Variants in SGCG observed in about 807,000 individuals in gnomAD.
SGCG encodes gamma-sarcoglycan.
In SGCG, 26 loss-of-function variants were observed where a neutral mutation model predicts 29.3. The observed-to-expected ratio is 0.89, with a 90% CI of 0.65 to 1.23. The LOEUF is 1.23. SGCG is among the 50% of genes most tolerant of loss of function. SGCG has a pLI of 0.00. For synonymous variants in SGCG, 145 were observed against 129.7 expected (o/e 1.12, Z -0.80); for missense variants, 353 against 356.0 (o/e 0.99, Z 0.07).
At chr13:23,184,667 G>T (rs770268391) in intron 1 of SGCG, among the ~76,000 whole-genome samples, 1 of 152,158 alleles carries the variant, frequency 6.6e-6, no homozygotes, top group African/African-American at 2.4e-5. Flanking sequence ...CAGTAAGGGG[G>T]TCTTTTTAAT....
At chr13:23,215,162 G>C (rs1403928864) in intron 2 of SGCG, among the ~76,000 whole-genome samples, 1 of 152,116 alleles carries the variant, frequency 6.6e-6, no homozygotes, top group Non-Finnish European at 1.5e-5. Context: ...GCTGCAAGGA[G>C]GGACGTTCAT....
chr13:23,250,595 C>A (rs763950510), intron 3 of SGCG, 35 bp from the exon 4 acceptor site: 1 of 1,017,052 alleles, frequency 9.8e-7, no homozygotes, highest in Non-Finnish European at 1.6e-6. Flanking sequence ...TTTTAAACAG[C>A]ACCTATTTTG....
intron 4 of SGCG, among the ~76,000 whole-genome samples, chr13:23,276,469 G>C (rs1163729681): frequency 9.0e-6 from 1 of 110,946 alleles, no homozygotes; most frequent in African/African-American, 3.4e-5. Context: ...GTCTCGCTCT[G>C]TTGCCCAAGC....
At chr13:23,175,636 C>T in the SGCG span, among the ~76,000 whole-genome samples, 1 of 152,006 alleles carries the variant, frequency 6.6e-6, no homozygotes, top group Non-Finnish European at 1.5e-5. Context: ...TTTCTTACAC[C>T]TAATTTCTCC....
At chr13:23,237,260 T>C (rs1879349344) in intron 3 of SGCG, among the ~76,000 whole-genome samples, 1 of 152,184 alleles carries the variant, frequency 6.6e-6, no homozygotes, top group Non-Finnish European at 1.5e-5. Context: ...TTCAAACACA[T>C]AACAATTATT....
chr13:23,266,966 G>T (rs561574544), intron 4 of SGCG, among the ~76,000 whole-genome samples: 1 of 152,134 alleles, frequency 6.6e-6, no homozygotes, highest in Non-Finnish European at 1.5e-5. Flanking sequence ...AAATTCCAAA[G>T]AAAGTCAAAC....
chr13:23,210,226 TA>T (rs1366870442), intron 2 of SGCG, among the ~76,000 whole-genome samples: 3 of 152,236 alleles, frequency 2.0e-5, no homozygotes, highest in African/African-American at 4.8e-5. Flanking sequence ...GAAATGAAAT[TA>T]TTTTTTCATT....
chr13:23,247,287 T>C (rs2104659), intron 3 of SGCG: 30,147 of 152,178 alleles, frequency 0.2, 3,136 homozygotes, highest in South Asian at 0.32. Context: ...AAGGATGTGT[T>C]TGAAGAATTC....
At chr13:23,305,457 G>T (rs1032148984) in intron 6 of SGCG, among the ~76,000 whole-genome samples, 1 of 152,178 alleles carries the variant, frequency 6.6e-6, no homozygotes, top group Non-Finnish European at 1.5e-5. Flanking sequence ...TATACTATCA[G>T]ATCATTTGCA....
intron 4 of SGCG, among the ~76,000 whole-genome samples, chr13:23,274,436 T>C (rs1269186731): frequency 2.1e-5 from 3 of 141,706 alleles, no homozygotes; most frequent in African/African-American, 7.9e-5. Context: ...GGGGTCTTGC[T>C]CTGTCTCCCA....
At chr13:23,195,771 T>G (rs1593166580) in intron 1 of SGCG, among the ~76,000 whole-genome samples, 1 of 152,134 alleles carries the variant, frequency 6.6e-6, no homozygotes, top group South Asian at 2.1e-4. Flanking sequence ...CCATCTATTT[T>G]GCTATATTTA....
chr13:23,232,436 T>C (rs1042802252), intron 2 of SGCG, among the ~76,000 whole-genome samples: 35 of 152,206 alleles, frequency 2.3e-4, no homozygotes, highest in African/African-American at 8.4e-4. Context: ...CTTTGTTTCA[T>C]CCTTTGGATT....
intron 7 of SGCG, among the ~76,000 whole-genome samples, chr13:23,323,472 C>T (rs1883122212): frequency 6.6e-6 from 1 of 152,184 alleles, no homozygotes; most frequent in Non-Finnish European, 1.5e-5. Flanking sequence ...AAGGAGCTCT[C>T]CTTGGCAAGG....
chr13:23,295,561 C>T, intron 6 of SGCG, 74 bp downstream of exon 6: 1 of 987,438 alleles, frequency 1.0e-6, no homozygotes. Flanking sequence ...ATAATGTTAG[C>T]AGTGACTACT....
At chr13:23,293,864 C>T (rs1298648572) in intron 5 of SGCG, among the ~76,000 whole-genome samples, 3 of 151,100 alleles carry the variant, frequency 2.0e-5, no homozygotes, top group East Asian at 3.9e-4. Context: ...AAGGGCTGCT[C>T]AAAAGATCTT....
intron 1 of SGCG, among the ~76,000 whole-genome samples, chr13:23,187,228 TGC>T (rs1877015494): frequency 6.6e-5 from 10 of 152,128 alleles, no homozygotes; most frequent in Non-Finnish European, 1.5e-4. Flanking sequence ...CTCGCTATGG[TGC>T]CCCTTCTACA....
chr13:23,224,192 G>A (rs1353499390), intron 2 of SGCG, among the ~76,000 whole-genome samples: 1 of 152,104 alleles, frequency 6.6e-6, no homozygotes, highest in Non-Finnish European at 1.5e-5. Flanking sequence ...ATTTTCAATT[G>A]TATTTGATTT....
Position 23,203,713 on chromosome 13 carries a change from A to C in SGCG, c.19A>C (p.Thr7Pro), listed in dbSNP as rs747860532. The change falls in exon 2 of 8, where the codon ACT becomes CCT. Residue 7 changes from threonine (T) to proline (P), a missense_variant. By Grantham distance (38) the Thr-to-Pro change is conservative. Coordinates refer to ENST00000218867, the MANE Select transcript of SGCG (RefSeq NM_000231.3). MVREQYTTATEGICIER... is the reference protein window; with the variant it reads MVREQYPTATEGICIER... ...GTGGCAGATGGTGCGTGAGCAGTACACTACAGCCACAGAAGGCATCTGCAT... is the reference window on the plus strand; with the variant it reads ...GTGGCAGATGGTGCGTGAGCAGTACCCTACAGCCACAGAAGGCATCTGCAT... The C allele has an allele frequency of 4.3e-6, 7 of 1,613,460 alleles. No homozygotes were observed. The highest frequency in any genetic ancestry group is 1.3e-5 in the African/African-American group (1 of 75,042).
chr13:23,177,961 C>T (rs9510610), upstream of SGCG, among the ~76,000 whole-genome samples: 18,596 of 152,046 alleles, frequency 0.12, 1,194 homozygotes, highest in East Asian at 0.16. Context: ...TAGCCAGGCA[C>T]CCAAGGGCAT....
Sources: gnomAD v4.1 joint callset for allele counts (sites outside exome capture counted in the v4.1 genomes callset) on GRCh38, gnomAD v4.1.1 for gene constraint, MANE v1.5 for transcripts, NCBI Gene and HGNC (gene_info 2026-07-23, HGNC 2026-07-21) for gene names.